EEF1AKMT1: variants seen among roughly 807,000 people sequenced by gnomAD.
EEF1AKMT1 encodes EEF1A lysine methyltransferase 1.
Under a neutral mutation model 21.0 loss-of-function variants are expected in EEF1AKMT1, and 18 were observed. The observed-to-expected ratio is 0.86, with a 90% CI of 0.59 to 1.27. EEF1AKMT1 has a LOEUF of 1.27. Among genes scored for constraint, EEF1AKMT1 ranks in the 50% most tolerant of loss-of-function variants. EEF1AKMT1 has a pLI of 0.00. For synonymous variants in EEF1AKMT1, 109 were observed against 94.8 expected, an observed-to-expected ratio of 1.15 and a Z score of -0.87; for missense variants, 246 against 258.6, an observed-to-expected ratio of 0.95 and a Z score of 0.33.
chr13:20,757,458 A>G lies in EEF1AKMT1; in HGVS notation c.141T>C (p.Asn47=), dbSNP rs1377085315. 6.2e-7 allele frequency: 1 copy of G among 1,613,756 alleles called. No homozygotes were observed. Among genetic ancestry groups the G allele is most frequent in the Non-Finnish European group, 8.5e-7 (1 of 1,179,900 alleles). The change falls in exon 2 of 5, where the codon AAT becomes AAC. Residue 47 remains asparagine (N), a synonymous_variant. Coordinates refer to ENST00000382758, the MANE Select transcript of EEF1AKMT1 (RefSeq NM_001318939.2). The part of the protein sequence containing the change: ...DKYNIGIIEE[N]WQLSQFWYSQ... ...GCTGTGAAATGCATTTACTTACCCA[A>G]TTCTCTTCTATTATTCCAATGTTAT...
At chr13:20,740,196 G>A (rs2141417948) in intron 2 of EEF1AKMT1, among the ~76,000 whole-genome samples, 1 of 152,358 alleles carries the variant, frequency 6.6e-6, no homozygotes, top group African/African-American at 2.4e-5. Flanking sequence ...CTGCCTGGGG[G>A]CCAGCGGTGC....
In EEF1AKMT1 at chr13:20,757,477, A is replaced by G. The variant is rs773861879; in HGVS notation, c.122T>C (p.Ile41Thr). ...IEPGEDDKYN[I>T]GIIEENWQLS... ...TACCCAATTCTCTTCTATTATTCCA[A>G]TGTTATATTTATCATCCTCGCCTGG... The change falls in exon 2 of 5, where the codon ATT becomes ACT. Residue 41 changes from isoleucine (I) to threonine (T), a missense_variant. Transcript: ENST00000382758. 6 of 1,613,976 alleles carry G rather than the reference A, an allele frequency of 3.7e-6. No individual in the cohort carries two copies. Among genetic ancestry groups the G allele is most frequent in the Admixed American group, 1.7e-5 (1 of 59,986 alleles).
At position 20,737,757 on chromosome 13, in the gene EEF1AKMT1, G is replaced by C. The variant is rs1480602348; in HGVS notation, c.193C>G (p.Gln65Glu). ...YSQETALQLAQEAIAAVGEGG... is the reference protein window; with the variant it reads ...YSQETALQLAEEAIAAVGEGG... ...TCTCCTACAGCTGCAATTGCCTCCT[G>C]TGCCAGCTGCAGAGCAGTTTCCTGA... The change falls in exon 3 of 5, where the codon CAG (glutamine) becomes GAG (glutamate). Residue 65 changes from glutamine (Q) to glutamate (E), a missense_variant. Gln to Glu is a conservative substitution (Grantham distance 29, BLOSUM62 2). Coordinates refer to ENST00000382758, the MANE Select transcript of EEF1AKMT1 (RefSeq NM_001318939.2). The C allele has an allele frequency of 6.2e-7, 1 of 1,612,986 alleles. No homozygotes were observed. Among genetic ancestry groups the C allele is most frequent in the Non-Finnish European group, 8.5e-7 (1 of 1,179,608 alleles).
At chr13:20,738,918 C>G (rs190612912) in intron 2 of EEF1AKMT1, among the ~76,000 whole-genome samples, 1 of 152,268 alleles carries the variant, frequency 6.6e-6, no homozygotes, top group Admixed American at 6.5e-5. Flanking sequence ...AGTTGTGTGT[C>G]CGGAATTGGT....
chr13:20,754,466 C>G (rs866903214), intron 2 of EEF1AKMT1, among the ~76,000 whole-genome samples: 1 of 152,012 alleles, frequency 6.6e-6, no homozygotes, highest in Admixed American at 6.6e-5. Context: ...ATGAAGAATG[C>G]TTTTTTGAAT....
intron 3 of EEF1AKMT1, among the ~76,000 whole-genome samples, chr13:20,737,498 G>A (rs1018421476): frequency 2.0e-5 from 3 of 152,140 alleles, no homozygotes; most frequent in Non-Finnish European, 4.4e-5. Flanking sequence ...TAAGAAACAG[G>A]TTAGAAAATG....
At chr13:20,731,784 G>T in intron 4 of EEF1AKMT1, 57 bp downstream of exon 4, 1 of 1,544,762 alleles carries the variant, frequency 6.5e-7, no homozygotes, top group Non-Finnish European at 8.7e-7. Flanking sequence ...TCTTGACCCT[G>T]AAGACCTGAA....
At chr13:20,729,615 A>G (rs1252558931) in intron 4 of EEF1AKMT1, among the ~76,000 whole-genome samples, 1 of 152,110 alleles carries the variant, frequency 6.6e-6, no homozygotes, top group African/African-American at 2.4e-5. Flanking sequence ...TCTTGCAAAC[A>G]CAGGTGCGAA....
At chr13:20,748,528 A>C (rs1309221824) in intron 2 of EEF1AKMT1, among the ~76,000 whole-genome samples, 2 of 151,820 alleles carry the variant, frequency 1.3e-5, no homozygotes, top group African/African-American at 4.8e-5. Flanking sequence ...CTCACTCCTC[A>C]GAAGCAACCA....
chr13:20,731,135 A>G (rs554510322), intron 4 of EEF1AKMT1, among the ~76,000 whole-genome samples: 19 of 152,226 alleles, frequency 1.2e-4, no homozygotes, highest in African/African-American at 4.3e-4. Flanking sequence ...CACCACCTCC[A>G]TCTCCCAAAT....
chr13:20,753,951 T>A (rs1490292867), intron 2 of EEF1AKMT1, among the ~76,000 whole-genome samples: 2 of 152,192 alleles, frequency 1.3e-5, no homozygotes, highest in Non-Finnish European at 1.5e-5. Flanking sequence ...TGTGAGGGCT[T>A]ATTCCTATCA....
At chr13:20,748,566 C>A (rs2058921154) in intron 2 of EEF1AKMT1, among the ~76,000 whole-genome samples, 1 of 152,064 alleles carries the variant, frequency 6.6e-6, no homozygotes, top group East Asian at 1.9e-4. Flanking sequence ...TTTCTCTGAT[C>A]ATTTATTGCC....
chr13:20,757,900 G>C (rs984176458), intron 1 of EEF1AKMT1, among the ~76,000 whole-genome samples: 1 of 152,226 alleles, frequency 6.6e-6, no homozygotes, highest in African/African-American at 2.4e-5. Flanking sequence ...TTAAAACAGA[G>C]ATCTTAAGAG....
intron 2 of EEF1AKMT1, among the ~76,000 whole-genome samples, chr13:20,738,505 G>T (rs753284166): frequency 2.6e-5 from 4 of 152,182 alleles, no homozygotes; most frequent in Non-Finnish European, 5.9e-5. Flanking sequence ...TGAATGGCAG[G>T]CTCGGGGCAG....
chr13:20,768,133 G>A (rs2059045668), intron 1 of EEF1AKMT1, among the ~76,000 whole-genome samples: 2 of 152,124 alleles, frequency 1.3e-5, no homozygotes. Context: ...TCCCATTATG[G>A]ATTGTATTTT....
At chr13:20,738,809 C>T (rs867859970) in intron 2 of EEF1AKMT1, among the ~76,000 whole-genome samples, 3 of 152,084 alleles carry the variant, frequency 2.0e-5, no homozygotes, top group Non-Finnish European at 4.4e-5. Flanking sequence ...TTAGTGGTTG[C>T]CAGGTGTTGG....
chr13:20,759,442 T>C (rs1349638772), intron 1 of EEF1AKMT1, among the ~76,000 whole-genome samples: 1 of 151,682 alleles, frequency 6.6e-6, no homozygotes, highest in Admixed American at 6.5e-5. Flanking sequence ...TCGCCAGGCA[T>C]GGTGGCGGGC....
chr13:20,769,761 CAAAG>C, intron 1 of EEF1AKMT1, among the ~76,000 whole-genome samples: 1 of 150,796 alleles, frequency 6.6e-6, no homozygotes, highest in Non-Finnish European at 1.5e-5. Context: ...ACAAGGCACA[CAAAG>C]AAACAGGAAA....
chr13:20,741,492 C>G (rs1355017314), intron 2 of EEF1AKMT1, among the ~76,000 whole-genome samples: 1 of 124,620 alleles, frequency 8.0e-6, no homozygotes, highest in Non-Finnish European at 1.6e-5. Flanking sequence ...GAGTCTTGCT[C>G]TGTCGCCAGG....
Sources: allele counts gnomAD v4.1 joint callset (sites outside exome capture counted in the v4.1 genomes callset), GRCh38; gene constraint gnomAD v4.1.1; transcripts MANE v1.5; gene names NCBI Gene and HGNC (gene_info 2026-07-23, HGNC 2026-07-21).